LBR: variants seen among roughly 807,000 people sequenced by gnomAD.
LBR encodes delta(14)-sterol reductase LBR.
A neutral mutation model predicts 74.3 loss-of-function variants in LBR; 28 were observed. The observed-to-expected ratio is 0.38, with a 90% CI of 0.28 to 0.52. The LOEUF is 0.52. LBR is among the 20% of genes least tolerant of loss of function. LBR has a pLI of 0.89. For synonymous variants in LBR, 228 were observed against 269.3 expected, an observed-to-expected ratio of 0.85 and a Z score of 1.50; for missense variants, 717 against 760.3, an observed-to-expected ratio of 0.94 and a Z score of 0.67.
intron 3 of LBR, among the ~76,000 whole-genome samples, chr1:225,421,575 T>C (rs985157598): frequency 6.6e-6 from 1 of 152,260 alleles, no homozygotes; most frequent in Non-Finnish European, 1.5e-5. Context: ...CTTAACATAC[T>C]TTGTCTTTGG....
intron 7 of LBR, chr1:225,414,104 T>G (rs1283848275): frequency 6.6e-6 from 3 of 456,578 alleles, no homozygotes; most frequent in African/African-American, 4.0e-5. Context: ...TTCTAAAACT[T>G]GCTCCATCAG....
At chr1:225,421,972 A>T in intron 3 of LBR, 105 bp downstream of exon 3, 1 of 1,136,164 alleles carries the variant, frequency 8.8e-7, no homozygotes, top group Admixed American at 1.9e-5. Flanking sequence ...ATCAACTTAG[A>T]TTTGATGTTT....
rs2096091972 is a variant in LBR at position 225,406,506 on chromosome 1, G to A, written c.1483+158C>T. 4.7e-6 allele frequency: 3 copies of A among 639,428 alleles called. No individual in the cohort carries two copies. In the African/African-American group the frequency reaches 5.5e-5, roughly 12 times the overall value. 39.6% of individuals were successfully genotyped at this position (639,428 alleles called of 1,614,324 possible). A position where few individuals can be genotyped will look rare whatever the true frequency, so the allele number is the denominator to read the frequency against. On this transcript the variant is annotated intron_variant, in intron 11 of 13. Transcript: ENST00000272163. Reference sequence around the variant, plus strand: ...CAAGTACGAACCATCCATTCTCTTTGCAAAATGCAGATTTTTTATTACTCA... The same window carrying A: ...CAAGTACGAACCATCCATTCTCTTTACAAAATGCAGATTTTTTATTACTCA...
chr1:225,421,081 T>C (rs2150957369), intron 3 of LBR, among the ~76,000 whole-genome samples: 1 of 152,332 alleles, frequency 6.6e-6, no homozygotes, highest in South Asian at 2.1e-4. Flanking sequence ...ATCCATACTA[T>C]AGAATACAAC....
chr1:225,417,786 G>C (rs2150954453), intron 6 of LBR, 198 bp downstream of exon 6: 1 of 579,896 alleles, frequency 1.7e-6, no homozygotes, highest in East Asian at 2.9e-5. Context: ...CATGAACTAA[G>C]TTTTGGGAAT....
intron 2 of LBR, 25 bp downstream of exon 2, chr1:225,423,886 T>G: frequency 6.2e-7 from 1 of 1,603,750 alleles, no homozygotes; most frequent in Non-Finnish European, 8.5e-7. Flanking sequence ...GTAAACACAC[T>G]CTGATAAACC....
At chr1:225,423,807 G>T in intron 2 of LBR, 104 bp downstream of exon 2, 1 of 1,096,856 alleles carries the variant, frequency 9.1e-7, no homozygotes, top group Non-Finnish European at 1.4e-6. Flanking sequence ...TCAATCCTCT[G>T]CCTTCAAACC....
chr1:225,404,789 G>A, intron 11 of LBR, 83 bp from the exon 12 acceptor site: 4 of 1,042,408 alleles, frequency 3.8e-6, no homozygotes, highest in Non-Finnish European at 5.9e-6. Context: ...TCTTAAAAAT[G>A]ATTTCTATGC....
At position 225,401,805 on chromosome 1, in the gene LBR, A is replaced by G. The variant is rs2096082481; in HGVS notation, c.*1498T>C. 6.6e-5 allele frequency: 10 copies of G among 152,262 alleles called. No individual in the cohort carries two copies. In the South Asian group the frequency reaches 2.1e-3, roughly 32 times the overall value. 9.4% of individuals were successfully genotyped at this position (152,262 alleles called of 1,614,324 possible). ...TGATAAAACAATGACAATTTCACTAAAAGAATGTTTAAAGACTACCGGATG... is the reference window on the plus strand; with the variant it reads ...TGATAAAACAATGACAATTTCACTAGAAGAATGTTTAAAGACTACCGGATG... On this transcript the variant is annotated 3_prime_UTR_variant, in exon 14 of 14. Transcript: ENST00000272163.
chr1:225,412,369 A>T, intron 8 of LBR, 85 bp downstream of exon 8: 1 of 1,281,058 alleles, frequency 7.8e-7, no homozygotes, highest in Non-Finnish European at 1.1e-6. Context: ...TGAAGTTAGA[A>T]AAAAAGCAAT....
chr1:225,419,233 GC>G (rs1282727157), intron 5 of LBR, 29 bp downstream of exon 5: 2 of 1,608,814 alleles, frequency 1.2e-6, no homozygotes, highest in Non-Finnish European at 1.7e-6. Context: ...CACCCCACCT[GC>G]CCTCTCTGGG....
rs748254840 is a variant in LBR, at chr1:225,411,302, G to T, written c.1188+35C>A. The T allele has an allele frequency of 3.5e-6, 5 of 1,431,730 alleles. No homozygotes were observed. The African/African-American group carries it at 7.0e-5, about 20-fold the overall frequency. 88.7% of individuals were successfully genotyped at this position (1,431,730 alleles called of 1,614,324 possible). ...TTTCTAGCAGTTAATTAGACCTATT[G>T]AATTGAAATTTAGAAGAAAAAAAAC... On this transcript the variant is annotated intron_variant, in intron 9 of 13. Transcript: ENST00000272163.
intron 10 of LBR, among the ~76,000 whole-genome samples, chr1:225,409,998 TACC>T (rs957317145): frequency 2.0e-5 from 3 of 152,202 alleles, no homozygotes; most frequent in African/African-American, 7.2e-5. Context: ...ATACCATAAT[TACC>T]ACCACCCACA....
intron 10 of LBR, among the ~76,000 whole-genome samples, chr1:225,409,791 T>C (rs904427141): frequency 6.6e-6 from 1 of 152,224 alleles, no homozygotes; most frequent in African/African-American, 2.4e-5. Context: ...AGACACAAGA[T>C]GGAAACTTAG....
chr1:225,406,991 T>G (rs2096093302), intron 10 of LBR, among the ~76,000 whole-genome samples, 159 bp from the exon 11 acceptor site: 2 of 152,224 alleles, frequency 1.3e-5, no homozygotes, highest in Admixed American at 6.5e-5. Context: ...CCTGGCCTGC[T>G]AGGTCTTTCT....
At chr1:225,414,875 C>A (rs537042636) in intron 7 of LBR, among the ~76,000 whole-genome samples, 1 of 152,312 alleles carries the variant, frequency 6.6e-6, no homozygotes, top group Admixed American at 6.5e-5. Flanking sequence ...GGGGTAAGTT[C>A]TCCAGGCAAA....
At position 225,421,980 on chromosome 1, in the gene LBR, T is replaced by C. The variant is rs79979381; in HGVS notation, c.366+97A>G. The stretch of plus-strand genomic sequence containing the variant: ...CAAAGTCATCAACTTAGATTTGATG[T>C]TTCAGTGACATTTTAATATTATTAA... On this transcript the variant is annotated intron_variant, in intron 3 of 13. Transcript: ENST00000272163. 4,819 of 1,199,278 alleles carry C rather than the reference T, an allele frequency of 4.0e-3. 82 individuals carry two copies. The highest frequency in any genetic ancestry group is 0.03 in the African/African-American group (2,027 of 66,662). The allele number at this position is 1,199,278 out of a possible 1,614,324, so 74.3% of individuals were successfully genotyped here. A position where few individuals can be genotyped will look rare whatever the true frequency, so the allele number is the denominator to read the frequency against.
chr1:225,422,157 G>T lies in LBR; in HGVS notation c.286C>A (p.Arg96=), dbSNP rs2096128483. 1 of 1,613,992 alleles carries T rather than the reference G, an allele frequency of 6.2e-7. No homozygotes were observed. Among genetic ancestry groups the T allele is most frequent in the Non-Finnish European group, 8.5e-7 (1 of 1,180,048 alleles). The change falls in exon 3 of 14, where the codon CGA becomes AGA. Residue 96 remains arginine (R), a synonymous_variant. Coordinates refer to ENST00000272163, the MANE Select transcript of LBR (RefSeq NM_002296.4). ...SPGRPPKSAR[R]SASASHQADI... is the part of the protein sequence containing the mutation. ...GCCTGGTGGGAAGCAGAAGCAGATCGGCGGGCACTTTTAGGTGGTCGACCA... is the reference window on the plus strand; with the variant it reads ...GCCTGGTGGGAAGCAGAAGCAGATCTGCGGGCACTTTTAGGTGGTCGACCA...
rs370212177 is a variant in LBR, at chr1:225,423,901, G to A, written c.165+10C>T. On this transcript the variant is annotated intron_variant, in intron 2 of 13. Transcript: ENST00000272163. ...GTAAACACACTCTGATAAACCAAAG[G>A]AGCTCTTACCTTAATATCATTCTCT... 1.2e-6 allele frequency: 2 copies of A among 1,610,584 alleles called. No individual in the cohort carries two copies.
Sources: gnomAD v4.1 joint callset for allele counts (sites outside exome capture counted in the v4.1 genomes callset) on GRCh38, gnomAD v4.1.1 for gene constraint, MANE v1.5 for transcripts, NCBI Gene and HGNC (gene_info 2026-07-23, HGNC 2026-07-21) for gene names.